The following CDH18 variants were observed in gnomAD, a reference collection of about 807,000 sequenced individuals.
The protein encoded by CDH18 is cadherin 18, also known as cadherin-18.
CDH18 carries 31 observed loss-of-function variants against 67.9 expected under a neutral mutation model. That is an observed-to-expected ratio of 0.46 (90% confidence interval 0.34 to 0.62). The LOEUF (loss-of-function observed/expected upper bound fraction) is 0.62. Among genes scored for constraint, CDH18 ranks in the 20% least tolerant of loss-of-function variants. The probability of loss-of-function intolerance (pLI) is 0.01; values close to 1 mark genes in which losing one functional copy is unlikely to be tolerated. For synonymous variants in CDH18, 362 were observed against 347.2 expected, an observed-to-expected ratio of 1.04 and a Z score of -0.48; for missense variants, 890 against 975.5, an observed-to-expected ratio of 0.91 and a Z score of 1.17.
At chr5:20,262,837 T>C (rs138512004) in intron 1 of CDH18, among the ~76,000 whole-genome samples, 1,690 of 152,018 alleles carry the variant, frequency 0.011, 32 homozygotes, top group African/African-American at 0.038. Context: ...CTGGTGCCTT[T>C]GCATACATCA....
At chr5:20,279,728 A>T (rs1220512912) in intron 1 of CDH18, among the ~76,000 whole-genome samples, 1 of 143,082 alleles carries the variant, frequency 7.0e-6, no homozygotes, top group Admixed American at 7.2e-5. Context: ...AAAAAAAAAA[A>T]GCAAAAACTG....
chr5:20,483,591 A>C (rs1041439112), intron 1 of CDH18, among the ~76,000 whole-genome samples: 1 of 151,886 alleles, frequency 6.6e-6, no homozygotes, highest in Non-Finnish European at 1.5e-5. Context: ...TCAATGAATC[A>C]GAATAGAGAA....
At chr5:20,323,946 T>C (rs1377637442) in intron 1 of CDH18, among the ~76,000 whole-genome samples, 2 of 152,228 alleles carry the variant, frequency 1.3e-5, no homozygotes, top group African/African-American at 2.4e-5. Context: ...GCTGACCTTA[T>C]GGAAAGCAGG....
rs1736802013 is a variant in CDH18 at position 20,172,203 on chromosome 5, T to TATAC, written c.-518+83240_-518+83241insGTAT. ...ATAGCATTGTGTGTATATATATATA[T>TATAC]ATATATATATATATATATATGTATA... On this transcript the variant is annotated intron_variant, in intron 2 of 14. Transcript: ENST00000507958. Among the ~76,000 whole-genome samples the TATAC allele has an allele frequency of 5.1e-5, 3 of 58,338 alleles. 1 individual carries two copies. Among genetic ancestry groups the TATAC allele is most frequent in the Non-Finnish European group, 9.2e-5 (3 of 32,464 alleles). 38.3% of individuals were successfully genotyped at this position (58,338 alleles called of 152,430 possible). A position where few individuals can be genotyped will look rare whatever the true frequency, so the allele number is the denominator to read the frequency against.
chr5:20,436,661 C>A (rs1363868996), intron 1 of CDH18, among the ~76,000 whole-genome samples: 1 of 150,898 alleles, frequency 6.6e-6, no homozygotes, highest in Non-Finnish European at 1.5e-5. Context: ...CATATTTAGA[C>A]CCATATGCAT....
chr5:19,600,000 A>T (rs772786671), intron 6 of CDH18, among the ~76,000 whole-genome samples: 3 of 152,122 alleles, frequency 2.0e-5, no homozygotes, highest in Non-Finnish European at 1.5e-5. Flanking sequence ...TGAGCACTGG[A>T]GCACCTATTT....
intron 1 of CDH18, among the ~76,000 whole-genome samples, chr5:20,313,821 A>G (rs971911865): frequency 2.6e-5 from 4 of 152,076 alleles, no homozygotes; most frequent in Non-Finnish European, 1.5e-5. Flanking sequence ...TATTATGCAC[A>G]CAATCATACA....
At chr5:20,147,156 A>G (rs1750708730) in intron 2 of CDH18, among the ~76,000 whole-genome samples, 1 of 152,174 alleles carries the variant, frequency 6.6e-6, no homozygotes, top group Admixed American at 6.5e-5. Flanking sequence ...ATAAATGATT[A>G]CAATATATTT....
chr5:20,353,192 T>C (rs1038408643), intron 1 of CDH18, among the ~76,000 whole-genome samples: 14 of 152,346 alleles, frequency 9.2e-5, no homozygotes, highest in Admixed American at 7.2e-4. Flanking sequence ...ACTTTGCTTT[T>C]CAATTCAGTA....
At chr5:20,513,763 A>T (rs1235046989) in intron 1 of CDH18, among the ~76,000 whole-genome samples, 1 of 129,190 alleles carries the variant, frequency 7.7e-6, no homozygotes, top group East Asian at 2.5e-4. Flanking sequence ...TCCCCTTTAT[A>T]TATTTATTTT....
chr5:20,150,088 A>T (rs1336358319), intron 2 of CDH18, among the ~76,000 whole-genome samples: 1 of 152,118 alleles, frequency 6.6e-6, no homozygotes, highest in African/African-American at 2.4e-5. Flanking sequence ...TTTGAAAAAA[A>T]GTTCTGATAA....
At chr5:19,808,631 G>A (rs1256568087) in intron 3 of CDH18, among the ~76,000 whole-genome samples, 1 of 151,626 alleles carries the variant, frequency 6.6e-6, no homozygotes, top group Non-Finnish European at 1.5e-5. Context: ...TTCTAGACCG[G>A]CCTGGCCAAC....
At chr5:19,718,999 C>T (rs1765676002) in intron 5 of CDH18, among the ~76,000 whole-genome samples, 1 of 151,960 alleles carries the variant, frequency 6.6e-6, no homozygotes, top group Admixed American at 6.6e-5. Context: ...CAAACTACAG[C>T]AGTCCAACAC....
chr5:20,125,979 A>T (rs538692306), intron 2 of CDH18, among the ~76,000 whole-genome samples: 7 of 152,318 alleles, frequency 4.6e-5, no homozygotes, highest in African/African-American at 1.4e-4. Flanking sequence ...AACGTATATG[A>T]AACCAGAAAA....
At chr5:20,072,844 C>T (rs186188869) in intron 2 of CDH18, among the ~76,000 whole-genome samples, 140 of 151,642 alleles carry the variant, frequency 9.2e-4, no homozygotes, top group African/African-American at 3.1e-3. Flanking sequence ...AATACATATT[C>T]CCATGAAAAA....
intron 1 of CDH18, among the ~76,000 whole-genome samples, chr5:20,430,794 TATTTA>T (rs1459596116): frequency 2.0e-5 from 3 of 152,146 alleles, no homozygotes; most frequent in East Asian, 1.9e-4. Context: ...CCATGTGAAG[TATTTA>T]ATTTATTTTC....
intron 1 of CDH18, among the ~76,000 whole-genome samples, chr5:20,563,582 T>C (rs1161597113): frequency 6.6e-6 from 1 of 152,158 alleles, no homozygotes; most frequent in Non-Finnish European, 1.5e-5. Flanking sequence ...AGTTCTAGGG[T>C]ACATGTGTAC....
chr5:20,020,499 C>T (rs1009429639), intron 2 of CDH18, among the ~76,000 whole-genome samples: 2 of 152,094 alleles, frequency 1.3e-5, no homozygotes, highest in Non-Finnish European at 2.9e-5. Context: ...AACCAGCTGC[C>T]CTGTGCAACC....
chr5:20,406,445 G>A (rs13158843), intron 1 of CDH18, among the ~76,000 whole-genome samples: 72,184 of 149,108 alleles, frequency 0.48, 18,741 homozygotes, highest in Middle Eastern at 0.63. Context: ...GGGGAGGGGG[G>A]AGGGATAGCA....
Sources: gnomAD v4.1 joint callset for allele counts (sites outside exome capture counted in the v4.1 genomes callset) on GRCh38, gnomAD v4.1.1 for gene constraint, MANE v1.5 for transcripts, NCBI Gene and HGNC (gene_info 2026-07-23, HGNC 2026-07-21) for gene names.